Variants in HDAC9 observed in about 807,000 individuals in gnomAD.
HDAC9 encodes the protein histone deacetylase 9, also known as MEF-2 interacting transcription repressor (MITR) protein.
HDAC9 carries 41 observed loss-of-function variants against 139.4 expected under a neutral mutation model. The observed-to-expected ratio is 0.29, with a 90% CI of 0.23 to 0.38. The LOEUF is 0.38. HDAC9 is among the 10% of genes least tolerant of loss of function. The pLI, the probability that HDAC9 is intolerant of heterozygous loss-of-function variation, is 1.00. For missense variants in HDAC9, 1,147 were observed against 1,297.0 expected, an observed-to-expected ratio of 0.88 and a Z score of 1.78; for synonymous variants, 517 against 476.2, an observed-to-expected ratio of 1.09 and a Z score of -1.12.
intron 22 of HDAC9, among the ~76,000 whole-genome samples, chr7:18,876,454 T>G (rs1263487819): frequency 3.3e-5 from 5 of 152,140 alleles, no homozygotes; most frequent in African/African-American, 1.2e-4. Context: ...CTTTACCTTT[T>G]GCGTATTTGC....
intron 1 of HDAC9, among the ~76,000 whole-genome samples, chr7:18,153,676 C>T (rs1035068004): frequency 1.3e-5 from 2 of 152,140 alleles, no homozygotes; most frequent in Non-Finnish European, 2.9e-5. Context: ...TCTAGGAAGT[C>T]AGTGCAAATC....
At chr7:18,680,904 A>G (rs1442901921) in intron 12 of HDAC9, among the ~76,000 whole-genome samples, 2 of 151,966 alleles carry the variant, frequency 1.3e-5, no homozygotes, top group Non-Finnish European at 2.9e-5. Context: ...CATTTTTACC[A>G]TTTGGCTTTG....
intron 6 of HDAC9, among the ~76,000 whole-genome samples, chr7:18,616,051 C>G (rs75259870): frequency 6.6e-6 from 1 of 152,130 alleles, no homozygotes; most frequent in Non-Finnish European, 1.5e-5. Flanking sequence ...GCTGTCCCAT[C>G]CTCGTGGCCA....
intron 1 of HDAC9, among the ~76,000 whole-genome samples, chr7:18,384,191 G>A (rs1785701890): frequency 1.3e-5 from 2 of 151,916 alleles, no homozygotes; most frequent in African/African-American, 4.8e-5. Context: ...TGTGCCTGTG[G>A]TCCCAGGTAC....
chr7:18,679,523 T>G (rs1781751016), intron 12 of HDAC9, among the ~76,000 whole-genome samples: 2 of 151,378 alleles, frequency 1.3e-5, no homozygotes. Context: ...TTCCTTTCTT[T>G]CTTTCTTCCT....
At chr7:18,753,054 A>G (rs148181276) in intron 14 of HDAC9, among the ~76,000 whole-genome samples, 180 of 152,220 alleles carry the variant, frequency 1.2e-3, no homozygotes, top group African/African-American at 3.8e-3. Flanking sequence ...GATGATGTTT[A>G]TCAAGAATTT....
intron 12 of HDAC9, among the ~76,000 whole-genome samples, chr7:18,723,057 A>G (rs775740088): frequency 5.3e-5 from 8 of 152,164 alleles, no homozygotes; most frequent in Non-Finnish European, 1.2e-4. Flanking sequence ...CTTGGCTCCA[A>G]CACAAAATAA....
At chr7:18,600,846 A>G (rs1286240273) in intron 6 of HDAC9, among the ~76,000 whole-genome samples, 1 of 151,884 alleles carries the variant, frequency 6.6e-6, no homozygotes, top group African/African-American at 2.4e-5. Context: ...TTGTTTTGAG[A>G]CAGGGTCTCA....
Position 18,431,015 on chromosome 7 carries a change from T to TTGTCCTGTCC in HDAC9, c.-41-65206_-41-65197dup, listed in dbSNP as rs10587067. Among the ~76,000 whole-genome samples the TTGTCCTGTCC allele has an allele frequency of 6.0e-3, 887 of 148,304 alleles. 10 individuals are homozygous for TTGTCCTGTCC. The highest frequency in any genetic ancestry group is 0.021 in the African/African-American group (828 of 39,852). Reference sequence around the variant, plus strand: ...CATGCCTTGCATTGCTTATCCTATCTTGTCCTGTCCTGTCCTGTCCTGTCC... The same window carrying TTGTCCTGTCC: ...CATGCCTTGCATTGCTTATCCTATCTTGTCCTGTCCTGTCCTGTCCTGTCCTGTCCTGTCC... On this transcript the variant is annotated intron_variant, in intron 1 of 3. Coordinates refer to the HDAC9 transcript ENST00000413509.
At chr7:18,886,360 A>G (rs568809263) in intron 22 of HDAC9, among the ~76,000 whole-genome samples, 100 of 152,332 alleles carry the variant, frequency 6.6e-4, no homozygotes, top group African/African-American at 2.3e-3. Context: ...GGCCATTTCA[A>G]CATTGCTTAT....
chr7:18,991,592 G>T (rs58115597), intron 25 of HDAC9, among the ~76,000 whole-genome samples: 3 of 151,566 alleles, frequency 2.0e-5, no homozygotes, highest in African/African-American at 7.3e-5. Flanking sequence ...AGCGGAGATG[G>T]TGCCATTGCA....
intron 1 of HDAC9, among the ~76,000 whole-genome samples, chr7:18,326,841 G>A (rs953939088): frequency 1.3e-5 from 2 of 151,920 alleles, no homozygotes; most frequent in Admixed American, 6.6e-5. Flanking sequence ...TTCAGAGTTA[G>A]AATTCAGGGG....
intron 1 of HDAC9, among the ~76,000 whole-genome samples, chr7:18,398,686 T>C (rs1475002767): frequency 6.6e-6 from 1 of 152,198 alleles, no homozygotes. Flanking sequence ...CATTTAAATA[T>C]GGTTAAACTA....
At chr7:18,687,848 G>T (rs1437324021) in intron 12 of HDAC9, among the ~76,000 whole-genome samples, 1 of 151,822 alleles carries the variant, frequency 6.6e-6, no homozygotes, top group African/African-American at 2.4e-5. Flanking sequence ...GTATATTGAG[G>T]TGTGGTCTCT....
At chr7:18,119,044 A>T (rs1784199810) in intron 1 of HDAC9, among the ~76,000 whole-genome samples, 1 of 152,118 alleles carries the variant, frequency 6.6e-6, no homozygotes, top group Non-Finnish European at 1.5e-5. Flanking sequence ...AATTTCCTTA[A>T]TTACCATAAT....
intron 25 of HDAC9, among the ~76,000 whole-genome samples, chr7:18,984,357 T>G (rs1302928477): frequency 6.6e-6 from 1 of 152,028 alleles, no homozygotes; most frequent in Non-Finnish European, 1.5e-5. Context: ...GCTGGCTGGG[T>G]AGAAAGGGAT....
chr7:18,461,206 T>G (rs1376609558), intron 1 of HDAC9, among the ~76,000 whole-genome samples: 3 of 152,210 alleles, frequency 2.0e-5, no homozygotes, highest in Non-Finnish European at 4.4e-5. Flanking sequence ...TGGAAACCAG[T>G]ACTTAATTGA....
At chr7:18,098,771 T>C (rs1157174428) in intron 1 of HDAC9, among the ~76,000 whole-genome samples, 1 of 152,218 alleles carries the variant, frequency 6.6e-6, no homozygotes, top group African/African-American at 2.4e-5. Context: ...TTGAGTGGAC[T>C]TGTAGATGTG....
chr7:18,568,447 A>C (rs1183607119), intron 2 of HDAC9, among the ~76,000 whole-genome samples: 1 of 152,226 alleles, frequency 6.6e-6, no homozygotes, highest in East Asian at 1.9e-4. Flanking sequence ...AAGTCCATCC[A>C]AAAGTCATAG....
Sources: gnomAD v4.1 joint callset for allele counts (sites outside exome capture counted in the v4.1 genomes callset) on GRCh38, gnomAD v4.1.1 for gene constraint, MANE v1.5 for transcripts, NCBI Gene and HGNC (gene_info 2026-07-23, HGNC 2026-07-21) for gene names.